Variants in TOX3 observed in about 807,000 individuals in gnomAD.
TOX3 encodes the protein CAG trinucleotide repeat-containing gene F9 protein.
In TOX3, 22 loss-of-function variants were observed where a neutral mutation model predicts 64.3. That is an observed-to-expected ratio of 0.34 (90% CI 0.24 to 0.49). The LOEUF (loss-of-function observed/expected upper bound fraction) is 0.49, where lower values mean the gene tolerates loss of function less well. Ranked by LOEUF, TOX3 falls within the 20% of genes least tolerant of loss-of-function variation. TOX3 has a pLI of 0.99. For missense variants in TOX3, 661 were observed against 714.4 expected (o/e 0.93, Z 0.85); for synonymous variants, 291 against 273.6 (o/e 1.06, Z -0.63).
chr16:52,465,005 CTTTTTTTTTTTTTTT>C, intron 2 of TOX3, among the ~76,000 whole-genome samples: 1 of 70,956 alleles, frequency 1.4e-5, no homozygotes, highest in African/African-American at 6.0e-5. Flanking sequence ...TTAATGCATT[CTTTTTTTTTTTTTTT>C]TTTTTTTTTT....
At chr16:52,476,603 G>A (rs562378167) in intron 1 of TOX3, among the ~76,000 whole-genome samples, 1 of 151,980 alleles carries the variant, frequency 6.6e-6, no homozygotes, top group African/African-American at 2.4e-5. Context: ...CTGATCTCTG[G>A]TTCTCTTCGA....
chr16:52,484,083 G>T (rs1961443231), intron 1 of TOX3, among the ~76,000 whole-genome samples: 1 of 152,180 alleles, frequency 6.6e-6, no homozygotes, highest in African/African-American at 2.4e-5. Flanking sequence ...AGTAGTTACT[G>T]AAGCAGAAAA....
At chr16:52,487,291 A>C (rs1961558010) in intron 1 of TOX3, among the ~76,000 whole-genome samples, 1 of 143,132 alleles carries the variant, frequency 7.0e-6, no homozygotes, top group Non-Finnish European at 1.5e-5. Flanking sequence ...CCACCAGAGC[A>C]GCTGAGTCAG....
chr16:52,541,380 C>T (rs1177265832), intron 1 of TOX3, among the ~76,000 whole-genome samples: 1 of 152,140 alleles, frequency 6.6e-6, no homozygotes. Context: ...TTGAAGCCTT[C>T]AGGTCCTGAG....
At chr16:52,524,555 A>C (rs1962681575) in intron 1 of TOX3, among the ~76,000 whole-genome samples, 1 of 152,220 alleles carries the variant, frequency 6.6e-6, no homozygotes, top group African/African-American at 2.4e-5. Context: ...ACAAGACATA[A>C]AGCAAATGAA....
chr16:52,484,019 A>G (rs1342300086), intron 1 of TOX3, among the ~76,000 whole-genome samples: 1 of 152,210 alleles, frequency 6.6e-6, no homozygotes. Context: ...ACTAGCCTTG[A>G]GAAATTGGAA....
In TOX3 at chr16:52,439,572, G is replaced by A; in HGVS notation, c.1384C>T (p.Gln462Ter). The A allele has an allele frequency of 6.4e-7, 1 of 1,563,218 alleles. No individual in the cohort carries two copies. The highest frequency in any genetic ancestry group is 8.7e-7 in the Non-Finnish European group (1 of 1,146,014). The change falls in exon 7 of 7, where the codon CAG becomes TAG. Residue 462 changes from glutamine to a stop codon, truncating the protein, a stop_gained. Transcript: ENST00000219746. LOFTEE classifies it high-confidence loss of function. ...QQQQMQQMQQ[Q>*]QLQQHQMHQQ... ...TGCATTTGGTGCTGCTGGAGTTGCT[G>A]CTGCTGCATCTGTTGCATCTGTTGT...
chr16:52,503,144 T>C (rs1014090180), intron 1 of TOX3, among the ~76,000 whole-genome samples: 17 of 152,044 alleles, frequency 1.1e-4, no homozygotes, highest in Admixed American at 1.1e-3. Context: ...AAAGATGATG[T>C]TTTTTAGGGT....
At chr16:52,443,909 A>G (rs2151741041) in intron 6 of TOX3, among the ~76,000 whole-genome samples, 1 of 152,342 alleles carries the variant, frequency 6.6e-6, no homozygotes, top group East Asian at 1.9e-4. Context: ...AGGAGAATTT[A>G]TAATATGATG....
intron 3 of TOX3, among the ~76,000 whole-genome samples, chr16:52,457,615 G>A (rs1431506400): frequency 6.6e-6 from 1 of 152,116 alleles, no homozygotes; most frequent in Non-Finnish European, 1.5e-5. Context: ...AGAGTTAACT[G>A]CAAATAGGAA....
intron 1 of TOX3, among the ~76,000 whole-genome samples, chr16:52,518,994 G>A (rs778227433): frequency 6.6e-6 from 1 of 152,190 alleles, no homozygotes; most frequent in Non-Finnish European, 1.5e-5. Flanking sequence ...GGATTTAGAG[G>A]CTGTTAGAAG....
At chr16:52,468,806 C>G (rs1014260133) in intron 1 of TOX3, among the ~76,000 whole-genome samples, 4 of 152,154 alleles carry the variant, frequency 2.6e-5, no homozygotes, top group Admixed American at 2.6e-4. Flanking sequence ...TCAAGACTAA[C>G]TGTGAAGGGA....
intron 2 of TOX3, among the ~76,000 whole-genome samples, chr16:52,465,361 A>G (rs952594088): frequency 6.6e-6 from 1 of 151,552 alleles, no homozygotes; most frequent in Non-Finnish European, 1.5e-5. Flanking sequence ...GCCTCGTGAT[A>G]TAAATCAGTG....
intron 2 of TOX3, among the ~76,000 whole-genome samples, chr16:52,468,096 T>G (rs1472992130): frequency 6.6e-6 from 1 of 152,192 alleles, no homozygotes; most frequent in Non-Finnish European, 1.5e-5. Context: ...CCATGACAAC[T>G]TAATGACACT....
chr16:52,544,012 G>A lies in TOX3; in HGVS notation c.87+2625C>T, dbSNP rs553854556. Among the ~76,000 whole-genome samples, 9 of 152,214 alleles carry A rather than the reference G, an allele frequency of 5.9e-5. No individual in the cohort carries two copies. In the South Asian group the frequency reaches 1.0e-3, roughly 18 times the overall value. ...TTGTTAAGCCTAGAGCCAAGAGTTC[G>A]GTGTTTCTTCTAAAGTTTCCCAGAT... is the stretch of plus-strand genomic sequence containing the variant. On this transcript the variant is annotated intron_variant, in intron 1 of 6. Coordinates refer to ENST00000219746, the MANE Select transcript of TOX3 (RefSeq NM_001080430.4).
intron 1 of TOX3, among the ~76,000 whole-genome samples, chr16:52,517,030 A>G (rs555685321): frequency 6.6e-6 from 1 of 152,208 alleles, no homozygotes; most frequent in Admixed American, 6.5e-5. Context: ...AGAAAACACT[A>G]TAAAGTATGC....
chr16:52,474,656 GA>G (rs1961155744), intron 1 of TOX3, among the ~76,000 whole-genome samples: 1 of 151,450 alleles, frequency 6.6e-6, no homozygotes. Flanking sequence ...GAAAATGAAG[GA>G]AAGGAAGAAA....
At chr16:52,508,969 T>C (rs1031635462) in intron 1 of TOX3, among the ~76,000 whole-genome samples, 3 of 152,182 alleles carry the variant, frequency 2.0e-5, no homozygotes, top group Admixed American at 1.3e-4. Flanking sequence ...TCATAAAGTA[T>C]CTCAAAAAGG....
chr16:52,450,166 C>T (rs76522678), intron 4 of TOX3, 111 bp downstream of exon 4: 1 of 1,271,508 alleles, frequency 7.9e-7, no homozygotes, highest in Non-Finnish European at 1.1e-6. Context: ...CATTTAAATG[C>T]TACTCCAAAT....
Sources: allele counts gnomAD v4.1 joint callset (sites outside exome capture counted in the v4.1 genomes callset), GRCh38; gene constraint gnomAD v4.1.1; transcripts MANE v1.5; gene names NCBI Gene and HGNC (gene_info 2026-07-23, HGNC 2026-07-21).